The following NIT2 variants were observed in gnomAD, a reference collection of about 807,000 sequenced individuals.
NIT2 encodes nitrilase family member 2, also known as omega-amidase NIT2.
In NIT2, 46 loss-of-function variants were observed where a neutral mutation model predicts 42.7. The ratio of observed to expected loss-of-function variants is 1.08; its 90% CI spans 0.85 to 1.38. The LOEUF is 1.38. NIT2 is among the 40% of genes most tolerant of loss of function. The pLI is 0.00. For synonymous variants in NIT2, 123 were observed against 121.9 expected (o/e 1.01, Z -0.06); for missense variants, 309 against 342.5 (o/e 0.90, Z 0.77).
At chr3:100,337,002 A>T (rs2148880177) in intron 1 of NIT2, among the ~76,000 whole-genome samples, 1 of 152,340 alleles carries the variant, frequency 6.6e-6, no homozygotes, top group East Asian at 1.9e-4. Flanking sequence ...GGCCTTCCGC[A>T]GTGTTTGTGT....
At chr3:100,339,052 T>G (rs776039788) in intron 1 of NIT2, 35 bp from the exon 2 acceptor site, 4 of 1,436,636 alleles carry the variant, frequency 2.8e-6, no homozygotes, top group Non-Finnish European at 3.9e-6. Context: ...CAGTTCGATC[T>G]TCTGATAGCT....
chr3:100,339,153 G>T lies in NIT2; in HGVS notation c.74G>T (p.Cys25Phe). 1 of 1,614,102 alleles carries T rather than the reference G, an allele frequency of 6.2e-7. No individual in the cohort carries two copies. The highest frequency in any genetic ancestry group is 8.5e-7 in the Non-Finnish European group (1 of 1,180,006). Reference sequence around the variant, plus strand: ...AAATCAGATAACGTCACTCGCGCTTGTAGCTTCATCCGGGAGGCAGCAACG... The same window carrying T: ...AAATCAGATAACGTCACTCGCGCTTTTAGCTTCATCCGGGAGGCAGCAACG... ...SIKSDNVTRA[C>F]SFIREAATQG... Residue 25 changes from cysteine (C) to phenylalanine (F), a missense_variant, in exon 2 of 10, where the codon TGT (cysteine) becomes TTT (phenylalanine). Coordinates refer to ENST00000394140, the MANE Select transcript of NIT2 (RefSeq NM_020202.5).
At position 100,359,054 on chromosome 3, in the gene NIT2, C is replaced by T. The variant is rs186617988; in HGVS notation, c.*3786C>T. 31 of 152,190 alleles carry T rather than the reference C, an allele frequency of 2.0e-4. No individual in the cohort carries two copies. The highest frequency in any genetic ancestry group is 1.6e-3 in the Admixed American group (25 of 15,286). 9.4% of individuals were successfully genotyped at this position (152,190 alleles called of 1,614,324 possible). On this transcript the variant is annotated 3_prime_UTR_variant, in exon 10 of 10. Coordinates refer to ENST00000394140, the MANE Select transcript of NIT2 (RefSeq NM_020202.5). ...TTCATTTCTACTTGTGAATGAAGTT[C>T]GGAGACTAAGAAAAAGCCAGCTGTT...
chr3:100,347,359 G>C (rs1355077277), intron 6 of NIT2, among the ~76,000 whole-genome samples: 1 of 152,182 alleles, frequency 6.6e-6, no homozygotes, highest in Admixed American at 6.5e-5. Flanking sequence ...GCCTCCCAAA[G>C]TGCTGGGATT....
chr3:100,352,088 A>T (rs1007178041), intron 7 of NIT2, among the ~76,000 whole-genome samples: 4 of 152,250 alleles, frequency 2.6e-5, no homozygotes, highest in African/African-American at 9.6e-5. Flanking sequence ...TAGAATGGCA[A>T]TCATTAAAAA....
Position 100,357,323 on chromosome 3 carries a change from T to A in NIT2, c.*2055T>A, listed in dbSNP as rs1706333141. 2 of 152,172 alleles carry A rather than the reference T, an allele frequency of 1.3e-5. No homozygotes were observed. Among genetic ancestry groups the A allele is most frequent in the African/African-American group, 4.8e-5 (2 of 41,432 alleles). 9.4% of individuals were successfully genotyped at this position (152,172 alleles called of 1,614,324 possible). On this transcript the variant is annotated 3_prime_UTR_variant, in exon 10 of 10. Transcript: ENST00000394140. ...TTTTAAAAATATATTTTCTTACTTT[T>A]ATATATTTTACTCAATCTCATGACA...
In NIT2 at chr3:100,356,836, C is replaced by T. The variant is rs1397874541; in HGVS notation, c.*1568C>T. The T allele has an allele frequency of 7.9e-5, 12 of 152,144 alleles. No homozygotes were observed. The allele number at this position is 152,144 out of a possible 1,614,324, so 9.4% of individuals were successfully genotyped here. On this transcript the variant is annotated 3_prime_UTR_variant, in exon 10 of 10. Coordinates refer to ENST00000394140, the MANE Select transcript of NIT2 (RefSeq NM_020202.5). ...AATTTTATTACTATAGATTAGCTTG[C>T]ATTTTCTAAAATTATATAAAAATGA... is the stretch of plus-strand genomic sequence containing the variant.
chr3:100,354,775 G>A lies in NIT2; in HGVS notation c.687G>A (p.Gly229=), dbSNP rs1381857955. 3 of 1,606,992 alleles carry A rather than the reference G, an allele frequency of 1.9e-6. No homozygotes were observed. Among genetic ancestry groups the A allele is most frequent in the East Asian group, 2.2e-5 (1 of 44,752 alleles). The part of the protein sequence containing the change: ...WGHSTVVNPW[G]EVLAKAGTEE... ...TTCTCTTCTGCATCTTTTTCAGGGG[G>A]GAGGTTCTAGCCAAAGCTGGCACAG... The change falls in exon 9 of 10, where the codon GGG becomes GGA. Residue 229 remains glycine, a synonymous_variant. Transcript: ENST00000394140.
intron 3 of NIT2, 49 bp downstream of exon 3, chr3:100,339,984 G>T (rs967994622): frequency 5.8e-6 from 9 of 1,558,026 alleles, no homozygotes; most frequent in African/African-American, 1.4e-5. Flanking sequence ...AGAAACATCT[G>T]AATGAGTCAG....
chr3:100,335,123 A>C (rs1419412352), intron 1 of NIT2: 2 of 410,812 alleles, frequency 4.9e-6, no homozygotes, highest in South Asian at 1.8e-5. Context: ...GTAGGATCCA[A>C]CTCCCTTGGG....
intron 9 of NIT2, 93 bp downstream of exon 9, chr3:100,354,920 G>GCA: frequency 9.5e-7 from 1 of 1,049,088 alleles, no homozygotes; most frequent in Non-Finnish European, 1.4e-6. Context: ...ATTTGGAGGG[G>GCA]TTCCTTTATG....
intron 4 of NIT2, among the ~76,000 whole-genome samples, chr3:100,343,698 A>G (rs1455351269): frequency 6.6e-6 from 1 of 152,220 alleles, no homozygotes; most frequent in Non-Finnish European, 1.5e-5. Flanking sequence ...GAATGAGACT[A>G]TTAGGCCTTT....
In NIT2 at chr3:100,356,418, A is replaced by T. The variant is rs1706325794; in HGVS notation, c.*1150A>T. Reference sequence around the variant, plus strand: ...TGGTGCAATCCTGCCCTAGCACACCACTGGTTTAAGATAGATATATCATAT... The same window carrying T: ...TGGTGCAATCCTGCCCTAGCACACCTCTGGTTTAAGATAGATATATCATAT... On this transcript the variant is annotated 3_prime_UTR_variant, in exon 10 of 10. Transcript: ENST00000394140. The T allele has an allele frequency of 6.6e-6, 1 of 152,240 alleles. No homozygotes were observed. Among genetic ancestry groups the T allele is most frequent in the Admixed American group, 6.5e-5 (1 of 15,282 alleles). The allele number at this position is 152,240 out of a possible 1,614,324, so 9.4% of individuals were successfully genotyped here.
rs369811940 is a variant in NIT2, at chr3:100,361,024, A to C, written c.*5756A>C. Reference sequence around the variant, plus strand: ...CACTCCCATGGGATCTGTGGCTCAAACTCATGTTGCTTGCTATGTTCTAAA... The same window carrying C: ...CACTCCCATGGGATCTGTGGCTCAACCTCATGTTGCTTGCTATGTTCTAAA... On this transcript the variant is annotated 3_prime_UTR_variant, in exon 10 of 10. Coordinates refer to ENST00000394140, the MANE Select transcript of NIT2 (RefSeq NM_020202.5). 3 of 152,602 alleles carry C rather than the reference A, an allele frequency of 2.0e-5. No homozygotes were observed. Among genetic ancestry groups the C allele is most frequent in the African/African-American group, 7.2e-5 (3 of 41,404 alleles). 9.5% of individuals were successfully genotyped at this position (152,602 alleles called of 1,614,324 possible).
At chr3:100,337,265 A>C (rs1706088548) in intron 1 of NIT2, among the ~76,000 whole-genome samples, 1 of 151,478 alleles carries the variant, frequency 6.6e-6, no homozygotes, top group Non-Finnish European at 1.5e-5. Context: ...CACAGTAATA[A>C]TCTGATCGCT....
At chr3:100,352,051 C>G (rs1706280468) in intron 7 of NIT2, among the ~76,000 whole-genome samples, 1 of 152,116 alleles carries the variant, frequency 6.6e-6, no homozygotes, top group Non-Finnish European at 1.5e-5. Flanking sequence ...AAATCAAAAC[C>G]ACAATGAGAT....
At position 100,334,768 on chromosome 3, in the gene NIT2, C is replaced by G; in HGVS notation, c.-24C>G. On this transcript the variant is annotated 5_prime_UTR_variant, in exon 1 of 10. Transcript: ENST00000394140. ...GATCTCCAGCGCTCAGTCCGCGCCGCAGGTGGTGCTTGTCTGCAGAGTCAT... is the reference window on the plus strand; with the variant it reads ...GATCTCCAGCGCTCAGTCCGCGCCGGAGGTGGTGCTTGTCTGCAGAGTCAT... 4 of 1,303,332 alleles carry G rather than the reference C, an allele frequency of 3.1e-6. No homozygotes were observed. The highest frequency in any genetic ancestry group is 3.9e-6 in the Non-Finnish European group (4 of 1,020,108). 80.7% of individuals were successfully genotyped at this position (1,303,332 alleles called of 1,614,324 possible).
At position 100,355,547 on chromosome 3, in the gene NIT2, C is replaced by T. The variant is rs990982991; in HGVS notation, c.*279C>T. The T allele has an allele frequency of 3.0e-6, 1 of 333,370 alleles. No homozygotes were observed. Among genetic ancestry groups the T allele is most frequent in the Admixed American group, 4.5e-5 (1 of 22,194 alleles). 20.7% of individuals were successfully genotyped at this position (333,370 alleles called of 1,614,324 possible). A position where few individuals can be genotyped will look rare whatever the true frequency, so the allele number is the denominator to read the frequency against. ...CAAGCAGTTTGTGAAAGTATCAGAT[C>T]TTGGTATCCTGGTGATTGATTCACC... On this transcript the variant is annotated 3_prime_UTR_variant, in exon 10 of 10. Coordinates refer to ENST00000394140, the MANE Select transcript of NIT2 (RefSeq NM_020202.5).
intron 3 of NIT2, 113 bp from the exon 4 acceptor site, chr3:100,340,960 C>T (rs1706143015): frequency 1.4e-5 from 9 of 662,886 alleles, no homozygotes; most frequent in Admixed American, 5.5e-5. Context: ...ATAAATAAAC[C>T]GTAAAAGATA....
Sources: gnomAD v4.1 joint callset for allele counts (sites outside exome capture counted in the v4.1 genomes callset) on GRCh38, gnomAD v4.1.1 for gene constraint, MANE v1.5 for transcripts, NCBI Gene and HGNC (gene_info 2026-07-23, HGNC 2026-07-21) for gene names.